The following SLC3A1 variants were observed in gnomAD, a reference collection of about 807,000 sequenced individuals.
SLC3A1 encodes amino acid transporter heavy chain SLC3A1.
SLC3A1 carries 78 observed loss-of-function variants against 60.3 expected under a neutral mutation model. The observed-to-expected ratio is 1.29, with a 90% confidence interval of 1.08 to 1.56. The LOEUF is 1.56. Among genes scored for constraint, SLC3A1 ranks in the 40% most tolerant of loss-of-function variants. The probability of loss-of-function intolerance (pLI) is 0.00; values close to 1 mark genes in which losing one functional copy is unlikely to be tolerated. For synonymous variants in SLC3A1, 392 were observed against 307.9 expected (o/e 1.27, Z -2.86); for missense variants, 1,172 against 858.9 (o/e 1.36, Z -4.56).
chr2:44,306,688 G>A (rs1275940619), intron 7 of SLC3A1, among the ~76,000 whole-genome samples: 1 of 151,094 alleles, frequency 6.6e-6, no homozygotes, highest in Non-Finnish European at 1.5e-5. Flanking sequence ...AGAGTAGCTG[G>A]GATTACAGGT....
At chr2:44,305,316 T>A (rs1672124609) in intron 7 of SLC3A1, among the ~76,000 whole-genome samples, 1 of 152,148 alleles carries the variant, frequency 6.6e-6, no homozygotes, top group South Asian at 2.1e-4. Context: ...TCGTAAGATG[T>A]CTGTAGTATT....
intron 6 of SLC3A1, among the ~76,000 whole-genome samples, chr2:44,303,465 G>T (rs556193846): frequency 6.6e-6 from 1 of 151,912 alleles, no homozygotes; most frequent in South Asian, 2.1e-4. Context: ...TCAAACTCCT[G>T]ACCTCAAGTT....
chr2:44,298,351 C>T (rs1018966562), intron 4 of SLC3A1, among the ~76,000 whole-genome samples: 2 of 151,970 alleles, frequency 1.3e-5, no homozygotes, highest in Non-Finnish European at 2.9e-5. Context: ...GCTCCTCTGG[C>T]CACACTGGCC....
intron 7 of SLC3A1, among the ~76,000 whole-genome samples, chr2:44,312,129 T>A (rs1488993985): frequency 6.6e-6 from 1 of 152,212 alleles, no homozygotes; most frequent in African/African-American, 2.4e-5. Context: ...TCTTGGAGTA[T>A]GTAAATTCTT....
chr2:44,312,025 T>C (rs1264940503), intron 7 of SLC3A1, among the ~76,000 whole-genome samples: 2 of 152,200 alleles, frequency 1.3e-5, no homozygotes, highest in Admixed American at 1.3e-4. Context: ...TAAATTCTTA[T>C]TTAAACAAAC....
chr2:44,300,716 A>T (rs567485539), intron 5 of SLC3A1, among the ~76,000 whole-genome samples: 1 of 152,308 alleles, frequency 6.6e-6, no homozygotes, highest in African/African-American at 2.4e-5. Context: ...AAGGGTCTGA[A>T]ACATTTTGAC....
intron 9 of SLC3A1, chr2:44,317,541 T>C (rs1033155208): frequency 6.6e-6 from 1 of 152,152 alleles, no homozygotes; most frequent in African/African-American, 2.4e-5. Flanking sequence ...GGCTCTGATA[T>C]AGAACATTTC....
intron 5 of SLC3A1, among the ~76,000 whole-genome samples, chr2:44,300,675 T>TA (rs1467224410): frequency 1.3e-5 from 2 of 152,240 alleles, no homozygotes; most frequent in African/African-American, 4.8e-5. Flanking sequence ...ATGAGCTCTA[T>TA]AACCACTAAG....
Position 44,320,382 on chromosome 2 carries a change from G to A in SLC3A1, c.1801G>A (p.Glu601Lys). Residue 601 changes from glutamate (E) to lysine (K), a missense_variant, in exon 10 of 10, where the codon GAA (glutamate) becomes AAA (lysine). By Grantham distance (56) the Glu-to-Lys change is moderately conservative. Coordinates refer to ENST00000260649, the MANE Select transcript of SLC3A1 (RefSeq NM_000341.4). The stretch of plus-strand genomic sequence containing the variant: ...CTTTATCGTGGTTCTGAATTTTGGA[G>A]AATCAACACTGTTAAATCTACATAA... ...RIFIVVLNFG[E>K]STLLNLHNMI... 6.2e-7 allele frequency: 1 copy of A among 1,614,048 alleles called. No individual in the cohort carries two copies. Among genetic ancestry groups the A allele is most frequent in the Non-Finnish European group, 8.5e-7 (1 of 1,179,944 alleles).
intron 7 of SLC3A1, among the ~76,000 whole-genome samples, chr2:44,305,093 C>A (rs987160785): frequency 2.0e-5 from 3 of 152,192 alleles, no homozygotes; most frequent in Admixed American, 6.5e-5. Context: ...CCTTGGTCTC[C>A]CAAAGTGCTG....
intron 4 of SLC3A1, among the ~76,000 whole-genome samples, chr2:44,288,366 T>C (rs763519374): frequency 6.6e-6 from 1 of 152,010 alleles, no homozygotes; most frequent in Non-Finnish European, 1.5e-5. Flanking sequence ...AGAAACCCCA[T>C]ATCCATCAAC....
chr2:44,275,694 C>A lies in SLC3A1; in HGVS notation c.159C>A (p.Gly53=). The A allele has an allele frequency of 6.2e-7, 1 of 1,614,164 alleles. No homozygotes were observed. Among genetic ancestry groups the A allele is most frequent in the Non-Finnish European group, 8.5e-7 (1 of 1,180,012 alleles). The change falls in exon 1 of 10, where the codon GGC becomes GGA. Residue 53 remains glycine (G), a synonymous_variant. Coordinates refer to ENST00000260649, the MANE Select transcript of SLC3A1 (RefSeq NM_000341.4). The part of the protein sequence containing the change: ...NLKHSTRGIL[G]SQEPDFKGVQ... Reference sequence around the variant, plus strand: ...AGCACAGCACCAGGGGCATCCTTGGCTCCCAGGAGCCCGACTTCAAGGGCG... The same window carrying A: ...AGCACAGCACCAGGGGCATCCTTGGATCCCAGGAGCCCGACTTCAAGGGCG...
intron 9 of SLC3A1, chr2:44,318,095 GTTTT>G (rs11348872): frequency 7.0e-4 from 276 of 396,550 alleles, no homozygotes; most frequent in Non-Finnish European, 8.8e-4. Flanking sequence ...TCTCAACACT[GTTTT>G]TTTTTTTTTT....
chr2:44,311,654 T>C (rs924445073), intron 7 of SLC3A1, among the ~76,000 whole-genome samples: 2 of 150,650 alleles, frequency 1.3e-5, no homozygotes, highest in Admixed American at 6.6e-5. Flanking sequence ...GCCATAAACA[T>C]AGAAAAATAC....
At position 44,304,272 on chromosome 2, in the gene SLC3A1, C is replaced by G; in HGVS notation, c.1266C>G (p.Asn422Lys). 5.0e-6 allele frequency: 8 copies of G among 1,614,148 alleles called. No homozygotes were observed. Among genetic ancestry groups the G allele is most frequent in the Non-Finnish European group, 6.8e-6 (8 of 1,180,006 alleles). Residue 422 changes from asparagine (N) to lysine (K), a missense_variant, in exon 7 of 10, where the codon AAC becomes AAG. Asn to Lys is a moderately conservative substitution (Grantham distance 94). Coordinates refer to ENST00000260649, the MANE Select transcript of SLC3A1 (RefSeq NM_000341.4). ...YLSMLDTVSG[N>K]SVYEVITSWM... The stretch of plus-strand genomic sequence containing the variant: ...GCATGCTAGACACTGTTTCTGGGAA[C>G]AGCGTGTATGAGGTTATCACATCCT...
At chr2:44,277,437 C>T (rs1157466202) in intron 1 of SLC3A1, among the ~76,000 whole-genome samples, 2 of 152,134 alleles carry the variant, frequency 1.3e-5, no homozygotes, top group African/African-American at 2.4e-5. Flanking sequence ...AATCATCCTG[C>T]ATTGTCACTC....
Position 44,304,346 on chromosome 2 carries a change from C to A in SLC3A1, c.1332+8C>A, listed in dbSNP as rs747431041. 6.2e-7 allele frequency: 1 copy of A among 1,601,716 alleles called. No homozygotes were observed. The highest frequency in any genetic ancestry group is 2.2e-5 in the East Asian group (1 of 44,846). ...AAATGGCCTAACTGGATGGTAAGTC[C>A]TCATGACAGCAGAGTACATAATGTG... is the stretch of plus-strand genomic sequence containing the variant. On this transcript the variant is annotated splice_region_variant and intron_variant, in intron 7 of 9. Coordinates refer to ENST00000260649, the MANE Select transcript of SLC3A1 (RefSeq NM_000341.4).
intron 9 of SLC3A1, chr2:44,316,445 CTGAAAAAGACAAAGA>C (rs1672457662): frequency 6.6e-6 from 1 of 151,504 alleles, no homozygotes; most frequent in Non-Finnish European, 1.5e-5. Context: ...CCAGAACGTA[CTGAAAAAGACAAAGA>C]ATTAAGAGCA....
At position 44,298,236 on chromosome 2, in the gene SLC3A1, C is replaced by G. The variant is rs527571736; in HGVS notation, c.892-1735C>G. On this transcript the variant is annotated intron_variant, in intron 4 of 9. Coordinates refer to ENST00000260649, the MANE Select transcript of SLC3A1 (RefSeq NM_000341.4). ...CAGCCTTTTCTGATTAAAAATCCCT[C>G]CAGGGGTTTCCCATCACCCTCACAA... Among the ~76,000 whole-genome samples the G allele has an allele frequency of 3.3e-5, 5 of 152,276 alleles. No individual in the cohort carries two copies. In the East Asian group the frequency reaches 5.8e-4, roughly 18 times the overall value.
Sources: allele counts gnomAD v4.1 joint callset (sites outside exome capture counted in the v4.1 genomes callset), GRCh38; gene constraint gnomAD v4.1.1; transcripts MANE v1.5; gene names NCBI Gene and HGNC (gene_info 2026-07-23, HGNC 2026-07-21).